Variants in TENM3 observed in about 807,000 individuals in gnomAD.
TENM3 encodes the protein teneurin transmembrane protein 3.
Under a neutral mutation model 255.1 loss-of-function variants are expected in TENM3, and 63 were observed. The ratio of observed to expected loss-of-function variants is 0.25; its 90% CI spans 0.20 to 0.30. The LOEUF is 0.30. Ranked by LOEUF, TENM3 falls within the 10% of genes least tolerant of loss-of-function variation. TENM3 has a pLI of 1.00. For synonymous variants in TENM3, 1,306 were observed against 1,322.3 expected (o/e 0.99, Z 0.27); for missense variants, 2,929 against 3,461.1 (o/e 0.85, Z 3.86).
At chr4:182,129,191 T>C in the TENM3 span, among the ~76,000 whole-genome samples, 1 of 152,200 alleles carries the variant, frequency 6.6e-6, no homozygotes, top group Non-Finnish European at 1.5e-5. Context: ...ATGCACATAG[T>C]CACAAACAGC....
chr4:181,628,531 C>T, the TENM3 span, among the ~76,000 whole-genome samples: 1 of 152,164 alleles, frequency 6.6e-6, no homozygotes, highest in African/African-American at 2.4e-5. Flanking sequence ...GGAAGGGATC[C>T]AGTTTCAGCT....
upstream of TENM3, among the ~76,000 whole-genome samples, chr4:182,140,014 A>G (rs573352548): frequency 6.6e-6 from 1 of 152,364 alleles, no homozygotes; most frequent in African/African-American, 2.4e-5. Context: ...ATTGAATTTT[A>G]TGACTTTGTC....
chr4:182,176,139 A>G (rs1055638973), intron 1 of TENM3, among the ~76,000 whole-genome samples: 1 of 58,642 alleles, frequency 1.7e-5, no homozygotes, highest in Non-Finnish European at 3.6e-5. Context: ...GACTTGTATC[A>G]CACAGAAAAG....
the TENM3 span, among the ~76,000 whole-genome samples, chr4:182,031,415 ATC>A: frequency 1.3e-5 from 2 of 151,948 alleles, no homozygotes; most frequent in African/African-American, 4.8e-5. Flanking sequence ...TGGTCTATGT[ATC>A]TGTTTTTGTA....
At chr4:181,546,583 G>A in the TENM3 span, among the ~76,000 whole-genome samples, 2,009 of 141,184 alleles carry the variant, frequency 0.014, 149 homozygotes, top group African/African-American at 0.048. Flanking sequence ...GCGTGGTGGC[G>A]GACGCCTGTA....
the TENM3 span, among the ~76,000 whole-genome samples, chr4:181,997,465 C>T: frequency 6.6e-6 from 1 of 152,166 alleles, no homozygotes; most frequent in East Asian, 1.9e-4. Context: ...ATATTGGCCT[C>T]ATGTTCTCCC....
chr4:182,246,867 G>T (rs1465491994), intron 1 of TENM3, among the ~76,000 whole-genome samples: 1 of 152,174 alleles, frequency 6.6e-6, no homozygotes, highest in East Asian at 1.9e-4. Flanking sequence ...GATAAGTTCC[G>T]ATAATCATCG....
At chr4:182,457,333 A>G (rs1773957778) in intron 3 of TENM3, among the ~76,000 whole-genome samples, 1 of 152,148 alleles carries the variant, frequency 6.6e-6, no homozygotes, top group Non-Finnish European at 1.5e-5. Context: ...TTCTAAGAAG[A>G]GAAGCCAAGG....
rs935160033 is a variant in TENM3, at chr4:182,679,661, C to A, written c.1327-5C>A. ...TCTGACTATTTTTCCTCGTCCTCCC[C>A]CCAGTATGACTTCGTGGAGCTCCTG... On this transcript the variant is annotated splice_polypyrimidine_tract_variant and splice_region_variant and intron_variant, in intron 7 of 27. Transcript: ENST00000511685. 8 of 1,610,586 alleles carry A rather than the reference C, an allele frequency of 5.0e-6. No individual in the cohort carries two copies. The highest frequency in any genetic ancestry group is 6.8e-6 in the Non-Finnish European group (8 of 1,178,316).
chr4:182,074,187 C>T, the TENM3 span, among the ~76,000 whole-genome samples: 4 of 152,088 alleles, frequency 2.6e-5, no homozygotes, highest in Non-Finnish European at 5.9e-5. Context: ...CACATGTAAC[C>T]AGATCACATC....
At chr4:182,412,170 G>A (rs1219174932) in intron 3 of TENM3, among the ~76,000 whole-genome samples, 1 of 152,146 alleles carries the variant, frequency 6.6e-6, no homozygotes, top group African/African-American at 2.4e-5. Context: ...GGGTTGGCTG[G>A]CTGGAGCAAA....
intron 5 of TENM3, among the ~76,000 whole-genome samples, chr4:182,634,997 C>T (rs142847449): frequency 7.4e-4 from 112 of 152,266 alleles, no homozygotes; most frequent in African/African-American, 2.5e-3. Context: ...GCCAATTAAA[C>T]TGCAAATAAG....
intron 1 of TENM3, among the ~76,000 whole-genome samples, chr4:182,213,411 G>A (rs1367427238): frequency 6.6e-6 from 1 of 152,104 alleles, no homozygotes; most frequent in Non-Finnish European, 1.5e-5. Context: ...TTCAAGATTT[G>A]GTTACAAGTA....
At chr4:182,377,377 A>G (rs1387137104) in intron 3 of TENM3, among the ~76,000 whole-genome samples, 2 of 152,096 alleles carry the variant, frequency 1.3e-5, no homozygotes, top group Non-Finnish European at 2.9e-5. Flanking sequence ...GCAGTAGCTC[A>G]ATCTCGGCTC....
chr4:182,709,772 C>G (rs1758613657), intron 12 of TENM3, among the ~76,000 whole-genome samples: 1 of 152,132 alleles, frequency 6.6e-6, no homozygotes, highest in South Asian at 2.1e-4. Context: ...TCACAGTTCT[C>G]TATGATATAA....
At chr4:182,608,852 A>G (rs1748692453) in intron 4 of TENM3, among the ~76,000 whole-genome samples, 1 of 152,166 alleles carries the variant, frequency 6.6e-6, no homozygotes, top group Non-Finnish European at 1.5e-5. Context: ...TACCATGGCC[A>G]TGAAAGGAGC....
intron 19 of TENM3, among the ~76,000 whole-genome samples, chr4:182,751,555 C>G (rs1762370648): frequency 6.6e-6 from 1 of 152,080 alleles, no homozygotes; most frequent in South Asian, 2.1e-4. Context: ...TTTAAGATGA[C>G]TGTTAGTAAA....
chr4:182,709,567 G>A (rs1758595167), intron 12 of TENM3, among the ~76,000 whole-genome samples: 1 of 151,886 alleles, frequency 6.6e-6, no homozygotes, highest in African/African-American at 2.4e-5. Flanking sequence ...TCCTATTGTG[G>A]TTTATATAAT....
At position 182,755,270 on chromosome 4, in the gene TENM3, G is replaced by A. The variant is rs764842599; in HGVS notation, c.4892+11G>A. ...GACAACGTTTTTTGAGTAAGTATAT[G>A]AAAATTCTACTCTGATTATAAAATA... On this transcript the variant is annotated intron_variant, in intron 22 of 27. Coordinates refer to ENST00000511685, the MANE Select transcript of TENM3 (RefSeq NM_001080477.4). The A allele has an allele frequency of 6.4e-7, 1 of 1,570,262 alleles. No individual in the cohort carries two copies. The highest frequency in any genetic ancestry group is 8.6e-7 in the Non-Finnish European group (1 of 1,164,790).
Sources: allele counts gnomAD v4.1 joint callset (sites outside exome capture counted in the v4.1 genomes callset), GRCh38; gene constraint gnomAD v4.1.1; transcripts MANE v1.5; gene names NCBI Gene and HGNC (gene_info 2026-07-23, HGNC 2026-07-21).